KLHL29: variants seen among roughly 807,000 people sequenced by gnomAD.
The protein encoded by KLHL29 is kelch like family member 29, also known as kelch-like protein 29.
Under a neutral mutation model 80.4 loss-of-function variants are expected in KLHL29, and 21 were observed. The observed-to-expected ratio is 0.26, with a 90% confidence interval of 0.19 to 0.38. The LOEUF is 0.38. Ranked by LOEUF, KLHL29 falls within the 10% of genes least tolerant of loss-of-function variation. The pLI is 1.00. For synonymous variants in KLHL29, 511 were observed against 526.8 expected (o/e 0.97, Z 0.41); for missense variants, 867 against 1,223.9 (o/e 0.71, Z 4.35).
intron 1 of KLHL29, among the ~76,000 whole-genome samples, chr2:23,444,289 CTT>C (rs1663613575): frequency 6.6e-6 from 1 of 152,032 alleles, no homozygotes; most frequent in South Asian, 2.1e-4. Flanking sequence ...TTTTCCTTAA[CTT>C]TTTACCTTTT....
intron 4 of KLHL29, among the ~76,000 whole-genome samples, 172 bp downstream of exon 4, chr2:23,639,452 C>G (rs1235143805): frequency 6.6e-6 from 1 of 152,210 alleles, no homozygotes; most frequent in Admixed American, 6.5e-5. Context: ...TGTGAAGGAG[C>G]TGTCCCTCTG....
chr2:23,607,637 C>A lies in KLHL29; in HGVS notation c.286-31502C>A, dbSNP rs558461963. Among the ~76,000 whole-genome samples the A allele has an allele frequency of 1.1e-4, 16 of 152,318 alleles. No individual in the cohort carries two copies. In the East Asian group the frequency reaches 1.2e-3, roughly 11 times the overall value. ...AGGTGCACAGCAGGTGAGTGGCAGG[C>A]AAGCCAGCATGACCACCTGAGCTCC... On this transcript the variant is annotated intron_variant, in intron 3 of 13. Transcript: ENST00000486442.
intron 3 of KLHL29, among the ~76,000 whole-genome samples, chr2:23,635,741 GA>G (rs2149153231): frequency 6.6e-6 from 1 of 152,354 alleles, no homozygotes; most frequent in South Asian, 2.1e-4. Context: ...CAGGCACAGA[GA>G]GGCTCTCCTG....
rs1401613993 is a variant in KLHL29, at chr2:23,682,667, C to T, written c.941-1732C>T. Among the ~76,000 whole-genome samples, 1 of 151,932 alleles carries T rather than the reference C, an allele frequency of 6.6e-6. No homozygotes were observed. The highest frequency in any genetic ancestry group is 2.4e-5 in the African/African-American group (1 of 41,336). On this transcript the variant is annotated intron_variant, in intron 5 of 13. Transcript: ENST00000486442. The surrounding 1 kb of genome is among the most constrained non-coding windows in gnomAD (Gnocchi z 4.1). Reference sequence around the variant, plus strand: ...CCACCTGCACCTGCCCCCTCGTGCTCCTGCACCCTCCCACACCCTCCCGCA... The same window carrying T: ...CCACCTGCACCTGCCCCCTCGTGCTTCTGCACCCTCCCACACCCTCCCGCA...
At chr2:23,445,688 C>T (rs1410854280) in intron 1 of KLHL29, among the ~76,000 whole-genome samples, 9 of 152,236 alleles carry the variant, frequency 5.9e-5, no homozygotes, top group Admixed American at 4.6e-4. Flanking sequence ...ATTCTCCTCT[C>T]TGGGGGCTGT....
chr2:23,559,229 T>G (rs768946109), intron 2 of KLHL29, among the ~76,000 whole-genome samples: 5 of 152,132 alleles, frequency 3.3e-5, no homozygotes. Context: ...GGCCATGGTC[T>G]CTGGGGTAGG....
At chr2:23,534,284 C>T (rs1299151257) in intron 2 of KLHL29, among the ~76,000 whole-genome samples, 4 of 152,168 alleles carry the variant, frequency 2.6e-5, no homozygotes, top group Non-Finnish European at 4.4e-5. Flanking sequence ...TAGGGTCCTT[C>T]TCATCATTGT....
chr2:23,476,959 A>G (rs186521130), intron 2 of KLHL29, among the ~76,000 whole-genome samples: 34 of 152,370 alleles, frequency 2.2e-4, no homozygotes, highest in African/African-American at 7.2e-4. Flanking sequence ...CGTTCACCAC[A>G]TTTCATGCTA....
At chr2:23,666,692 A>G (rs142104141) in intron 5 of KLHL29, among the ~76,000 whole-genome samples, 7 of 152,354 alleles carry the variant, frequency 4.6e-5, no homozygotes, top group Admixed American at 2.6e-4. Flanking sequence ...TCTGAAGTCC[A>G]GTGCCTCCTG....
chr2:23,549,522 T>G (rs1572394297), intron 2 of KLHL29, among the ~76,000 whole-genome samples: 1 of 152,218 alleles, frequency 6.6e-6, no homozygotes, highest in East Asian at 1.9e-4. Flanking sequence ...GATGAAAATC[T>G]GAAGCAAACA....
chr2:23,699,429 G>T (rs989651098), intron 11 of KLHL29, among the ~76,000 whole-genome samples: 5 of 152,318 alleles, frequency 3.3e-5, no homozygotes, highest in Non-Finnish European at 1.5e-5. Flanking sequence ...GGCAACTGGA[G>T]TTGGGAGACC....
intron 6 of KLHL29, among the ~76,000 whole-genome samples, chr2:23,685,136 G>A (rs1671203907): frequency 6.6e-6 from 1 of 152,230 alleles, no homozygotes; most frequent in South Asian, 2.1e-4. Context: ...GTGGAGCATA[G>A]ACCAGGTGTG....
chr2:23,551,376 G>A (rs6746237), intron 2 of KLHL29, among the ~76,000 whole-genome samples: 26,926 of 151,936 alleles, frequency 0.18, 3,872 homozygotes, highest in African/African-American at 0.38. Context: ...CAAAACCCAC[G>A]GCCAGATTTT....
At chr2:23,567,770 G>A (rs773578163) in intron 3 of KLHL29, among the ~76,000 whole-genome samples, 2 of 152,216 alleles carry the variant, frequency 1.3e-5, no homozygotes, top group South Asian at 2.1e-4. Context: ...CTGCCTTGCC[G>A]AGTGGGCTCA....
chr2:23,512,182 A>C (rs1474301038), intron 2 of KLHL29, among the ~76,000 whole-genome samples: 1 of 152,162 alleles, frequency 6.6e-6, no homozygotes, highest in Non-Finnish European at 1.5e-5. Context: ...GCGGTGGCTC[A>C]CACCTGTAAT....
intron 2 of KLHL29, among the ~76,000 whole-genome samples, chr2:23,543,769 T>C (rs957153667): frequency 4.6e-5 from 7 of 152,224 alleles, no homozygotes; most frequent in Non-Finnish European, 1.0e-4. Flanking sequence ...CCTGAGTAAT[T>C]TTCCTCGGAG....
chr2:23,435,899 CTTTTTTT>C (rs769975340), intron 1 of KLHL29, among the ~76,000 whole-genome samples: 43 of 135,424 alleles, frequency 3.2e-4, no homozygotes, highest in Admixed American at 7.4e-4. Context: ...CTCTCTCTCT[CTTTTTTT>C]TTTTTTTTTT....
intron 1 of KLHL29, among the ~76,000 whole-genome samples, chr2:23,429,772 GA>G (rs933667134): frequency 3.4e-4 from 51 of 148,120 alleles, no homozygotes; most frequent in African/African-American, 1.0e-3. Flanking sequence ...AAAGAAAAAA[GA>G]AAAAAAAAAT....
intron 3 of KLHL29, among the ~76,000 whole-genome samples, chr2:23,584,901 T>A (rs1443200658): frequency 6.6e-6 from 1 of 152,166 alleles, no homozygotes; most frequent in African/African-American, 2.4e-5. Flanking sequence ...CATGCCCAGC[T>A]AATTTTTGTA....
Sources: allele counts gnomAD v4.1 joint callset (sites outside exome capture counted in the v4.1 genomes callset), GRCh38; gene constraint gnomAD v4.1.1; non-coding constraint Gnocchi (gnomAD v3.1); transcripts MANE v1.5; gene names NCBI Gene and HGNC (gene_info 2026-07-23, HGNC 2026-07-21).